RPF1: variants seen among roughly 807,000 people sequenced by gnomAD.
RPF1 encodes the protein ribosome production factor 1.
RPF1 carries 34 observed loss-of-function variants against 41.9 expected under a neutral mutation model. The observed-to-expected ratio is 0.81, with a 90% confidence interval of 0.62 to 1.08. RPF1 has a LOEUF of 1.08. Among genes scored for constraint, RPF1 ranks in the 50% least tolerant of loss-of-function variants. The probability of loss-of-function intolerance (pLI) is 0.00; values close to 1 mark genes in which losing one functional copy is unlikely to be tolerated. For synonymous variants in RPF1, 140 were observed against 148.9 expected, an observed-to-expected ratio of 0.94 and a Z score of 0.43; for missense variants, 425 against 435.2, an observed-to-expected ratio of 0.98 and a Z score of 0.21.
intron 2 of RPF1, among the ~76,000 whole-genome samples, chr1:84,481,628 A>G (rs1570343921): frequency 7.4e-6 from 1 of 135,320 alleles, no homozygotes; most frequent in Non-Finnish European, 1.6e-5. Context: ...ATGCATCAAG[A>G]AAGAATTTGG....
chr1:84,494,312 A>G lies in RPF1; in HGVS notation c.617-1061A>G, dbSNP rs75210853. ...GATTTGGTGGGAGAGGGAGAAGCTG[A>G]AGATACCATAGCTTCTAATCTGGAG... On this transcript the variant is annotated intron_variant, in intron 5 of 8. Transcript: ENST00000370654. 3.3e-4 allele frequency among the ~76,000 whole-genome samples: 50 copies of G among 152,344 alleles called. 2 individuals carry two copies. The East Asian group carries it at 9.4e-3, about 29-fold the overall frequency.
Position 84,495,945 on chromosome 1 carries a change from C to G in RPF1, c.763C>G (p.Leu255Val). The G allele has an allele frequency of 6.2e-7, 1 of 1,610,734 alleles. No individual in the cohort carries two copies. ...EIILNNFTTR[L>V]GHSIGRMFAS... ...AATTCTGAATAATTTTACAACACGG[C>G]TGGGTCATTCAATTGGACGTATGTT... The change falls in exon 7 of 9, where the codon CTG (leucine) becomes GTG (valine). Residue 255 changes from leucine (L) to valine (V), a missense_variant. Coordinates refer to ENST00000370654, the MANE Select transcript of RPF1 (RefSeq NM_025065.7).
intron 5 of RPF1, 24 bp from the exon 6 acceptor site, chr1:84,495,349 G>T: frequency 8.9e-7 from 1 of 1,118,414 alleles, no homozygotes; most frequent in Non-Finnish European, 1.3e-6. Context: ...AGTTCAATGT[G>T]TTTTTCTTAA....
In RPF1 at chr1:84,479,335, G is replaced by A. The variant is rs1291705983; in HGVS notation, c.54G>A (p.Arg18=). ...SSSSGKKSLK[R]KAAAEELQEA... is the part of the protein sequence containing the mutation. ...GCAGCGGGAAGAAAAGTCTAAAACGGAAAGCCGCTGCCGAAGAACTTCAGG... is the reference window on the plus strand; with the variant it reads ...GCAGCGGGAAGAAAAGTCTAAAACGAAAAGCCGCTGCCGAAGAACTTCAGG... The change falls in exon 1 of 9, where the codon CGG becomes CGA. Residue 18 remains arginine, a synonymous_variant. Transcript: ENST00000370654. 1 of 1,612,580 alleles carries A rather than the reference G, an allele frequency of 6.2e-7. No individual in the cohort carries two copies. Among genetic ancestry groups the A allele is most frequent in the Non-Finnish European group, 8.5e-7 (1 of 1,179,278 alleles).
At chr1:84,492,667 T>G (rs1681856402) in intron 5 of RPF1, among the ~76,000 whole-genome samples, 1 of 152,244 alleles carries the variant, frequency 6.6e-6, no homozygotes, top group African/African-American at 2.4e-5. Flanking sequence ...GCATGTAAAC[T>G]TTATCTGTAC....
chr1:84,480,977 AAACTT>A lies in RPF1; in HGVS notation c.253_257del (p.Leu85LysfsTer9). ...TTAGGAAAAGTTGGCAGCTAAGAAA[AAACTT>A]AAAAAAGAAAGAGAGGCTCTTGGCG... On this transcript the variant is annotated frameshift_variant, in exon 2 of 9. Coordinates refer to ENST00000370654, the MANE Select transcript of RPF1 (RefSeq NM_025065.7). LOFTEE classifies it high-confidence loss of function. 1.9e-6 allele frequency: 3 copies of A among 1,594,688 alleles called. No homozygotes were observed. Among genetic ancestry groups the A allele is most frequent in the Non-Finnish European group, 2.6e-6 (3 of 1,165,720 alleles).
intron 2 of RPF1, among the ~76,000 whole-genome samples, chr1:84,481,314 G>A (rs748894866): frequency 1.3e-5 from 2 of 152,154 alleles, no homozygotes; most frequent in African/African-American, 4.8e-5. Flanking sequence ...GTATGTTTGT[G>A]TACCTATACG....
chr1:84,482,259 T>C (rs1280234395), intron 2 of RPF1, among the ~76,000 whole-genome samples: 5 of 152,250 alleles, frequency 3.3e-5, no homozygotes, highest in Non-Finnish European at 7.3e-5. Flanking sequence ...TTCTTAGCAA[T>C]TCATTTACAC....
intron 3 of RPF1, among the ~76,000 whole-genome samples, chr1:84,489,148 G>T (rs1681787999): frequency 1.3e-5 from 2 of 151,880 alleles, no homozygotes; most frequent in Admixed American, 6.6e-5. Context: ...TCTAATATGA[G>T]CAGGTATAGC....
chr1:84,484,109 A>G (rs1681699195), intron 3 of RPF1, among the ~76,000 whole-genome samples: 2 of 152,232 alleles, frequency 1.3e-5, no homozygotes, highest in Admixed American at 1.3e-4. Context: ...GATAAAGGAG[A>G]TTCAGGACTA....
rs374656780 is a variant in RPF1 at position 84,488,380 on chromosome 1, A to C, written c.367-1253A>C. ...TGTTGGTGTAAACTGCATGTCTTTG[A>C]AAATTGTTTTGTTAGCCAATTTATA... On this transcript the variant is annotated intron_variant, in intron 3 of 8. Coordinates refer to ENST00000370654, the MANE Select transcript of RPF1 (RefSeq NM_025065.7). Among the ~76,000 whole-genome samples, 38 of 152,248 alleles carry C rather than the reference A, an allele frequency of 2.5e-4. No individual in the cohort carries two copies. The East Asian group carries it at 4.0e-3, about 16-fold the overall frequency.
chr1:84,487,759 T>A (rs967613499), intron 3 of RPF1, among the ~76,000 whole-genome samples: 5 of 152,148 alleles, frequency 3.3e-5, no homozygotes, highest in Non-Finnish European at 7.4e-5. Flanking sequence ...TTCTGTTTGG[T>A]GTGAGAATGG....
At chr1:84,481,241 C>T (rs12036957) in intron 2 of RPF1, among the ~76,000 whole-genome samples, 79,617 of 152,028 alleles carry the variant, frequency 0.52, 23,194 homozygotes, top group East Asian at 0.77. Flanking sequence ...CTTTTCCCTC[C>T]GAAGATAACC....
At position 84,483,551 on chromosome 1, in the gene RPF1, G is replaced by C. The variant is rs541861337; in HGVS notation, c.366+556G>C. Among the ~76,000 whole-genome samples, 102 of 152,328 alleles carry C rather than the reference G, an allele frequency of 6.7e-4. 2 individuals are homozygous for C. Among genetic ancestry groups the C allele is most frequent in the Non-Finnish European group, 6.2e-4 (42 of 68,032 alleles). ...AAAAGTGCTGGGATTACAGGCATGA[G>C]CCACTGCGCCTGGCCTGGTGGTTTT... is the stretch of plus-strand genomic sequence containing the variant. On this transcript the variant is annotated intron_variant, in intron 3 of 8. Coordinates refer to ENST00000370654, the MANE Select transcript of RPF1 (RefSeq NM_025065.7).
chr1:84,492,557 T>C (rs1467295280), intron 5 of RPF1, among the ~76,000 whole-genome samples: 1 of 152,170 alleles, frequency 6.6e-6, no homozygotes, highest in Non-Finnish European at 1.5e-5. Flanking sequence ...ATAATACCTA[T>C]CTTTAGAGTT....
rs772436156 is a variant in RPF1, at chr1:84,497,622, CTG to C, written c.*158_*159del. On this transcript the variant is annotated 3_prime_UTR_variant, in exon 9 of 9. Transcript: ENST00000370654. ...AATTACCAAATGCCATGAATTGCCA[CTG>C]TGTGTTTATGTAGAAAATACAAATA... The C allele has an allele frequency of 4.6e-5, 24 of 516,770 alleles. No individual in the cohort carries two copies. Among genetic ancestry groups the C allele is most frequent in the South Asian group, 7.1e-5 (2 of 28,320 alleles). 32.0% of individuals were successfully genotyped at this position (516,770 alleles called of 1,614,324 possible).
At chr1:84,483,841 A>G (rs948126850) in intron 3 of RPF1, among the ~76,000 whole-genome samples, 1 of 152,158 alleles carries the variant, frequency 6.6e-6, no homozygotes, top group Non-Finnish European at 1.5e-5. Context: ...ATTCTTTCTC[A>G]TATCTCCTGG....
chr1:84,493,689 G>T (rs1187230736), intron 5 of RPF1, among the ~76,000 whole-genome samples: 1 of 152,164 alleles, frequency 6.6e-6, no homozygotes, highest in Non-Finnish European at 1.5e-5. Context: ...GATGAGTGCT[G>T]TGGTAGCAGA....
chr1:84,479,586 T>A, intron 1 of RPF1, 77 bp downstream of exon 1: 1 of 1,372,638 alleles, frequency 7.3e-7, no homozygotes, highest in Non-Finnish European at 1.0e-6. Context: ...CGCACATCTG[T>A]GGTTGTCTGC....
Sources: allele counts gnomAD v4.1 joint callset (sites outside exome capture counted in the v4.1 genomes callset), GRCh38; gene constraint gnomAD v4.1.1; transcripts MANE v1.5; gene names NCBI Gene and HGNC (gene_info 2026-07-23, HGNC 2026-07-21).